GRM5: variants seen among roughly 807,000 people sequenced by gnomAD.
GRM5 encodes the protein metabotropic glutamate receptor 5.
A neutral mutation model predicts 83.1 loss-of-function variants in GRM5; 19 were observed. The observed-to-expected ratio is 0.23, with a 90% confidence interval of 0.16 to 0.34. The LOEUF (loss-of-function observed/expected upper bound fraction) is 0.34. Among genes scored for constraint, GRM5 ranks in the 10% least tolerant of loss-of-function variants. The pLI, the probability that GRM5 is intolerant of heterozygous loss-of-function variation, is 1.00. For synonymous variants in GRM5, 675 were observed against 633.6 expected, an observed-to-expected ratio of 1.07 and a Z score of -0.98; for missense variants, 1,160 against 1,588.3, an observed-to-expected ratio of 0.73 and a Z score of 4.58.
intron 4 of GRM5, among the ~76,000 whole-genome samples, chr11:88,624,082 T>C (rs912088075): frequency 3.3e-5 from 5 of 152,202 alleles, no homozygotes; most frequent in Non-Finnish European, 7.3e-5. Flanking sequence ...CTTGGCTCTA[T>C]TCAGTGTTTG....
At chr11:88,934,448 A>T (rs1024267465) in intron 2 of GRM5, among the ~76,000 whole-genome samples, 1 of 151,866 alleles carries the variant, frequency 6.6e-6, no homozygotes, top group Admixed American at 6.6e-5. Flanking sequence ...ATGCATTTGC[A>T]CCAGGTGAGG....
At chr11:88,732,747 A>G (rs1941832700) in intron 3 of GRM5, among the ~76,000 whole-genome samples, 1 of 152,012 alleles carries the variant, frequency 6.6e-6, no homozygotes, top group African/African-American at 2.4e-5. Flanking sequence ...ACTCTTTACC[A>G]TGCAAAATTT....
intron 8 of GRM5, among the ~76,000 whole-genome samples, chr11:88,558,101 C>T (rs1036318111): frequency 6.6e-6 from 1 of 151,998 alleles, no homozygotes; most frequent in Non-Finnish European, 1.5e-5. Context: ...CTTTATTCTC[C>T]CAGAACTCAG....
intron 2 of GRM5, among the ~76,000 whole-genome samples, chr11:88,855,227 A>C (rs1190256089): frequency 6.6e-6 from 1 of 151,838 alleles, no homozygotes; most frequent in Non-Finnish European, 1.5e-5. Context: ...ACTGCATAGA[A>C]GCTTGTATAC....
At chr11:88,998,794 T>C (rs1940275981) in intron 2 of GRM5, among the ~76,000 whole-genome samples, 1 of 152,184 alleles carries the variant, frequency 6.6e-6, no homozygotes, top group Non-Finnish European at 1.5e-5. Flanking sequence ...GCAATGAGCA[T>C]ATGGACATTG....
At chr11:88,769,717 C>G (rs1185324928) in intron 3 of GRM5, among the ~76,000 whole-genome samples, 4 of 151,910 alleles carry the variant, frequency 2.6e-5, no homozygotes, top group Admixed American at 2.0e-4. Context: ...GATTTTAATT[C>G]TAAGATTAAC....
At chr11:88,933,592 T>C (rs185797454) in intron 2 of GRM5, among the ~76,000 whole-genome samples, 163 of 152,000 alleles carry the variant, frequency 1.1e-3, no homozygotes, top group African/African-American at 3.7e-3. Flanking sequence ...ATATTCAATT[T>C]AGTCTTACTT....
intron 2 of GRM5, among the ~76,000 whole-genome samples, chr11:88,939,709 G>A (rs370290583): frequency 1.2e-4 from 18 of 151,662 alleles, no homozygotes; most frequent in South Asian, 4.1e-4. Flanking sequence ...CGTGTTTGGC[G>A]AAACAATATG....
chr11:88,638,705 A>T (rs1454724865), intron 4 of GRM5, among the ~76,000 whole-genome samples: 1 of 152,150 alleles, frequency 6.6e-6, no homozygotes, highest in Non-Finnish European at 1.5e-5. Flanking sequence ...TCCAGTGAAC[A>T]TTGGTAGAAT....
chr11:88,842,692 A>T (rs1249794796), intron 3 of GRM5, among the ~76,000 whole-genome samples: 1 of 151,868 alleles, frequency 6.6e-6, no homozygotes, highest in African/African-American at 2.4e-5. Context: ...TTTAGAGTTC[A>T]TCTTTTTTTT....
chr11:88,766,989 A>T (rs1319650682), intron 3 of GRM5, among the ~76,000 whole-genome samples: 5 of 151,670 alleles, frequency 3.3e-5, no homozygotes, highest in African/African-American at 1.2e-4. Context: ...CAAATAAAAA[A>T]CTCAGTGAGA....
intron 2 of GRM5, among the ~76,000 whole-genome samples, chr11:88,859,090 A>T (rs1378526962): frequency 3.3e-5 from 5 of 152,140 alleles, no homozygotes; most frequent in Non-Finnish European, 7.4e-5. Flanking sequence ...TTTTTTTAAA[A>T]CACTCTGTTG....
At chr11:88,736,515 G>T (rs7942230) in intron 3 of GRM5, among the ~76,000 whole-genome samples, 68,391 of 151,804 alleles carry the variant, frequency 0.45, 16,151 homozygotes, top group African/African-American at 0.59. Flanking sequence ...TTACTAAAAA[G>T]GCTATTTTCT....
intron 3 of GRM5, among the ~76,000 whole-genome samples, chr11:88,777,867 C>T (rs928956147): frequency 1.1e-4 from 17 of 152,246 alleles, no homozygotes; most frequent in Admixed American, 9.8e-4. Flanking sequence ...AGGTACCTGT[C>T]GGCCCCTACT....
chr11:88,900,136 A>C (rs557832616), intron 2 of GRM5, among the ~76,000 whole-genome samples: 1 of 152,292 alleles, frequency 6.6e-6, no homozygotes, highest in East Asian at 1.9e-4. Context: ...AATTAGATGT[A>C]GCTTCTACCG....
chr11:88,975,112 A>G (rs1939291698), intron 2 of GRM5, among the ~76,000 whole-genome samples: 1 of 152,218 alleles, frequency 6.6e-6, no homozygotes, highest in African/African-American at 2.4e-5. Flanking sequence ...AGAAGTTAGA[A>G]CAAGAGATAT....
intron 3 of GRM5, among the ~76,000 whole-genome samples, chr11:88,780,087 G>T (rs2135461739): frequency 6.6e-6 from 1 of 152,266 alleles, no homozygotes; most frequent in South Asian, 2.1e-4. Flanking sequence ...TTCCTGACCT[G>T]CACAGATGAG....
At chr11:88,657,682 CT>C (rs1231743408) in intron 3 of GRM5, among the ~76,000 whole-genome samples, 3 of 152,058 alleles carry the variant, frequency 2.0e-5, no homozygotes, top group Non-Finnish European at 4.4e-5. Flanking sequence ...CTTAATTTTT[CT>C]TTCTTTTCAA....
At chr11:88,605,958 A>C (rs1315901971) in intron 4 of GRM5, among the ~76,000 whole-genome samples, 2 of 152,190 alleles carry the variant, frequency 1.3e-5, no homozygotes, top group Non-Finnish European at 2.9e-5. Context: ...CTAAGCAGGC[A>C]ATTATAATGT....
Sources: allele counts gnomAD v4.1 joint callset (sites outside exome capture counted in the v4.1 genomes callset), GRCh38; gene constraint gnomAD v4.1.1; transcripts MANE v1.5; gene names NCBI Gene and HGNC (gene_info 2026-07-23, HGNC 2026-07-21).